The following FOXN3 variants were observed in gnomAD, a reference collection of about 807,000 sequenced individuals.
The protein encoded by FOXN3 is forkhead box N3, also known as forkhead box protein N3.
FOXN3 carries 7 observed loss-of-function variants against 38.4 expected under a neutral mutation model. The observed-to-expected ratio is 0.18, with a 90% CI of 0.10 to 0.34. FOXN3 has a LOEUF of 0.34. FOXN3 is among the 10% of genes least tolerant of loss of function. The pLI is 1.00. For synonymous variants in FOXN3, 230 were observed against 242.2 expected, an observed-to-expected ratio of 0.95 and a Z score of 0.47; for missense variants, 456 against 613.4, an observed-to-expected ratio of 0.74 and a Z score of 2.71.
chr14:89,526,912 G>C (rs1894443086), intron 1 of FOXN3, among the ~76,000 whole-genome samples: 1 of 152,190 alleles, frequency 6.6e-6, no homozygotes, highest in Non-Finnish European at 1.5e-5. Flanking sequence ...CAATGGAACA[G>C]AATAGAGTCC....
At chr14:89,469,327 G>T (rs1340456880) in intron 1 of FOXN3, among the ~76,000 whole-genome samples, 1 of 152,212 alleles carries the variant, frequency 6.6e-6, no homozygotes, top group African/African-American at 2.4e-5. Flanking sequence ...ACCCAGTTGG[G>T]TTAGGGTGAC....
At chr14:89,354,561 A>G (rs12889623) in intron 2 of FOXN3, among the ~76,000 whole-genome samples, 74,891 of 145,124 alleles carry the variant, frequency 0.52, 21,059 homozygotes, top group Admixed American at 0.63. Context: ...AAAAAAAAAA[A>G]GAAAAGAAAT....
At chr14:89,457,652 A>G (rs926372972) in intron 1 of FOXN3, among the ~76,000 whole-genome samples, 11 of 152,226 alleles carry the variant, frequency 7.2e-5, no homozygotes, top group Admixed American at 3.3e-4. Flanking sequence ...GGAATCCTCT[A>G]CATGAAGGCT....
chr14:89,308,185 A>T (rs1016863218), intron 3 of FOXN3, among the ~76,000 whole-genome samples: 2 of 152,226 alleles, frequency 1.3e-5, no homozygotes, highest in African/African-American at 2.4e-5. Context: ...GAATCATTTG[A>T]ACCTGGGAGG....
chr14:89,603,698 T>C (rs1017210495), intron 1 of FOXN3, among the ~76,000 whole-genome samples: 2 of 152,222 alleles, frequency 1.3e-5, no homozygotes, highest in Admixed American at 1.3e-4. Context: ...CCTCAAAAAT[T>C]GTTTGAAACA....
At chr14:89,348,990 C>A (rs78411384) in intron 3 of FOXN3, among the ~76,000 whole-genome samples, 3,575 of 152,154 alleles carry the variant, frequency 0.023, 131 homozygotes, top group African/African-American at 0.081. Flanking sequence ...ATGTTCTTAA[C>A]TTCCTAGAAG....
At chr14:89,571,960 T>C (rs372277053) in intron 1 of FOXN3, among the ~76,000 whole-genome samples, 31 of 152,346 alleles carry the variant, frequency 2.0e-4, no homozygotes, top group African/African-American at 7.2e-4. Flanking sequence ...TCTTCATTTT[T>C]ATAGATGAAG....
chr14:89,383,361 G>A (rs1388902871), intron 2 of FOXN3, among the ~76,000 whole-genome samples: 1 of 152,168 alleles, frequency 6.6e-6, no homozygotes, highest in African/African-American at 2.4e-5. Context: ...CAGGCAAAAT[G>A]ACGACAAAAA....
chr14:89,331,431 G>A (rs553363057), intron 3 of FOXN3, among the ~76,000 whole-genome samples: 6 of 152,150 alleles, frequency 3.9e-5, no homozygotes, highest in African/African-American at 1.4e-4. Context: ...TACAAGACAC[G>A]TTTTGTTCAT....
chr14:89,338,408 G>C (rs765702845), intron 3 of FOXN3, among the ~76,000 whole-genome samples: 6 of 152,190 alleles, frequency 3.9e-5, no homozygotes, highest in Non-Finnish European at 7.3e-5. Context: ...AACAGTCCTG[G>C]TTTTCACAGA....
At chr14:89,241,947 G>A (rs553696848) in intron 4 of FOXN3, among the ~76,000 whole-genome samples, 1 of 152,300 alleles carries the variant, frequency 6.6e-6, no homozygotes, top group East Asian at 1.9e-4. Flanking sequence ...TTTTCTCCAT[G>A]CTGCTGCTCC....
intron 3 of FOXN3, among the ~76,000 whole-genome samples, chr14:89,313,826 C>G (rs1244173327): frequency 6.6e-6 from 1 of 152,174 alleles, no homozygotes. Context: ...AGTACTGATA[C>G]ATGCTACAAC....
intron 1 of FOXN3, among the ~76,000 whole-genome samples, chr14:89,568,196 A>C (rs1895405817): frequency 6.6e-6 from 1 of 152,106 alleles, no homozygotes; most frequent in African/African-American, 2.4e-5. Context: ...TGCACTAGAA[A>C]GTTCTCTACA....
Position 89,157,545 on chromosome 14 carries a change from T to A in FOXN3, c.*4869A>T, listed in dbSNP as rs1171089599. 1 of 152,608 alleles carries A rather than the reference T, an allele frequency of 6.6e-6. No homozygotes were observed. Among genetic ancestry groups the A allele is most frequent in the Non-Finnish European group, 1.5e-5 (1 of 68,038 alleles). 9.5% of individuals were successfully genotyped at this position (152,608 alleles called of 1,614,324 possible). On this transcript the variant is annotated 3_prime_UTR_variant, in exon 6 of 6. Coordinates refer to ENST00000557258, the MANE Select transcript of FOXN3 (RefSeq NM_005197.4). ...ACTGAATGCCATGTGTAAATCCTCA[T>A]GAAACTCCAGAAACAGGAACACCAC...
chr14:89,410,885 G>GA (rs1891524703), intron 2 of FOXN3, among the ~76,000 whole-genome samples: 12 of 143,502 alleles, frequency 8.4e-5, no homozygotes, highest in African/African-American at 2.1e-4. Flanking sequence ...AAAAAAAAGA[G>GA]GAAAAAAAAG....
At position 89,463,409 on chromosome 14, in the gene FOXN3, T is replaced by C. The variant is rs535560539; in HGVS notation, c.-14-50919A>G. Among the ~76,000 whole-genome samples, 5 of 152,236 alleles carry C rather than the reference T, an allele frequency of 3.3e-5. No individual in the cohort carries two copies. The South Asian group carries it at 8.3e-4, about 25-fold the overall frequency. On this transcript the variant is annotated intron_variant, in intron 1 of 6. Transcript: ENST00000345097. ...ATGTTACCTCATTGGGGATTAAGTC[T>C]CCAATACATGAAATTTGGAGGACAC...
intron 1 of FOXN3, among the ~76,000 whole-genome samples, chr14:89,434,221 CTTT>C (rs1197630812): frequency 3.2e-5 from 4 of 124,716 alleles, no homozygotes; most frequent in African/African-American, 3.1e-5. Context: ...CTGCGCAAGC[CTTT>C]TTTTTTTTTT....
intron 2 of FOXN3, among the ~76,000 whole-genome samples, chr14:89,370,468 C>G (rs1197772360): frequency 6.6e-6 from 1 of 152,200 alleles, no homozygotes; most frequent in Non-Finnish European, 1.5e-5. Flanking sequence ...GTTCCCACGG[C>G]TGCACAAAGG....
chr14:89,461,867 T>C (rs1342333317), intron 1 of FOXN3, among the ~76,000 whole-genome samples: 1 of 152,160 alleles, frequency 6.6e-6, no homozygotes, highest in Non-Finnish European at 1.5e-5. Flanking sequence ...AAAGCCTTGA[T>C]AGCACCCAGG....
Sources: allele counts gnomAD v4.1 joint callset (sites outside exome capture counted in the v4.1 genomes callset), GRCh38; gene constraint gnomAD v4.1.1; transcripts MANE v1.5; gene names NCBI Gene and HGNC (gene_info 2026-07-23, HGNC 2026-07-21).